The following P2RX5 variants were observed in gnomAD, a reference collection of about 807,000 sequenced individuals.
The protein encoded by P2RX5 is purinergic receptor P2X 5.
In P2RX5, 46 loss-of-function variants were observed where a neutral mutation model predicts 54.1. The observed-to-expected ratio is 0.85, with a 90% CI of 0.67 to 1.09. P2RX5 has a LOEUF of 1.09. Among genes scored for constraint, P2RX5 ranks in the 50% least tolerant of loss-of-function variants. The pLI, the probability that P2RX5 is intolerant of heterozygous loss-of-function variation, is 0.00. For missense variants in P2RX5, 566 were observed against 549.8 expected (o/e 1.03, Z -0.29); for synonymous variants, 226 against 226.4 (o/e 1.00, Z 0.02).
At chr17:3,676,657 C>T in intron 11 of P2RX5, 2 of 945,896 alleles carry the variant, frequency 2.1e-6, no homozygotes, top group East Asian at 1.2e-4. Context: ...TGTCACTGTG[C>T]ACACAGATCA....
At chr17:3,684,738 G>A (rs1030473665) in intron 9 of P2RX5, among the ~76,000 whole-genome samples, 2 of 151,996 alleles carry the variant, frequency 1.3e-5, no homozygotes, top group African/African-American at 4.8e-5. Flanking sequence ...TTAAGGGCAT[G>A]TCCAAGGATG....
In P2RX5 at chr17:3,689,629, T is replaced by C; in HGVS notation, c.616A>G (p.Ser206Gly). The C allele has an allele frequency of 6.2e-7, 1 of 1,614,150 alleles. No individual in the cohort carries two copies. The highest frequency in any genetic ancestry group is 8.5e-7 in the Non-Finnish European group (1 of 1,180,020). The change falls in exon 7 of 12, where the codon AGC becomes GGC. Residue 206 changes from serine (S) to glycine (G), a missense_variant and splice_region_variant. Coordinates refer to ENST00000225328, the MANE Select transcript of P2RX5 (RefSeq NM_002561.4). ...CTGTCCTTGACGTCCATCACATTGCTTCTGGGTGGAGGCCATGGGCAGCCG... is the reference window on the plus strand; with the variant it reads ...CTGTCCTTGACGTCCATCACATTGCCTCTGGGTGGAGGCCATGGGCAGCCG... ...IRFPKFNFSK[S>G]NVMDVKDRSF...
chr17:3,720,411 T>C, the P2RX5 span: 12 of 1,278,538 alleles, frequency 9.4e-6, no homozygotes, highest in African/African-American at 5.8e-5. Context: ...AACTAGAAGA[T>C]GGGGAAAGGA....
At chr17:3,704,953 C>A in the P2RX5 span, among the ~76,000 whole-genome samples, 1 of 152,110 alleles carries the variant, frequency 6.6e-6, no homozygotes, top group South Asian at 2.1e-4. Flanking sequence ...TTGCGGTGAG[C>A]GGAGATCATG....
chr17:3,681,936 T>C lies in P2RX5; in HGVS notation c.1024A>G (p.Lys342Glu). 1.2e-6 allele frequency: 2 copies of C among 1,613,796 alleles called. No homozygotes were observed. The highest frequency in any genetic ancestry group is 1.7e-6 in the Non-Finnish European group (2 of 1,179,788). Reference sequence around the variant, plus strand: ...TTCTTGTCACGGTAAAACTCTCTCTTTTTGATGAGGTAGATGAGTACCAGG... The same window carrying C: ...TTCTTGTCACGGTAAAACTCTCTCTCTTTGATGAGGTAGATGAGTACCAGG... The part of the protein sequence containing the change: ...CDLVLIYLIK[K>E]REFYRDKKYE... Residue 342 changes from lysine (K) to glutamate (E), a missense_variant, in exon 10 of 12, where the codon AAG becomes GAG. Coordinates refer to ENST00000225328, the MANE Select transcript of P2RX5 (RefSeq NM_002561.4).
the P2RX5 span, chr17:3,723,569 G>GC: frequency 7.8e-6 from 9 of 1,152,548 alleles, no homozygotes. Context: ...GCTAGGGAGG[G>GC]CCTGGCAGCC....
intron 5 of P2RX5, 108 bp from the exon 6 acceptor site, chr17:3,690,258 C>T: frequency 8.1e-7 from 1 of 1,235,442 alleles, no homozygotes. Context: ...GAGCCTCTGC[C>T]CAGGACAGTT....
chr17:3,719,837 C>T, the P2RX5 span, among the ~76,000 whole-genome samples: 5 of 152,066 alleles, frequency 3.3e-5, no homozygotes, highest in South Asian at 2.1e-4. Context: ...AAGCGATTCT[C>T]GTGCCTCAGC....
intron 11 of P2RX5, chr17:3,675,810 C>G (rs1054014589): frequency 2.1e-6 from 2 of 966,926 alleles, no homozygotes; most frequent in African/African-American, 3.5e-5. Flanking sequence ...CTCGGCCTCC[C>G]AAAGTGCTGG....
chr17:3,702,912 C>T, the P2RX5 span, among the ~76,000 whole-genome samples: 1 of 152,224 alleles, frequency 6.6e-6, no homozygotes, highest in Non-Finnish European at 1.5e-5. Flanking sequence ...TCTGGACCCA[C>T]TCTGGGACAT....
chr17:3,720,314 C>T, the P2RX5 span: 1 of 1,543,618 alleles, frequency 6.5e-7, no homozygotes, highest in Non-Finnish European at 9.0e-7. Flanking sequence ...TACCTTAGTT[C>T]TGTGGTTCTC....
At chr17:3,692,003 C>T (rs758615208) in intron 1 of P2RX5, 2 of 594,788 alleles carry the variant, frequency 3.4e-6, no homozygotes, top group African/African-American at 1.9e-5. Context: ...AGGCGACAAG[C>T]AACCCTAGAG....
chr17:3,723,797 T>C, the P2RX5 span: 1 of 1,593,670 alleles, frequency 6.3e-7, no homozygotes, highest in African/African-American at 1.3e-5. Context: ...CCGCCAGTTT[T>C]CCGTCCCGTC....
chr17:3,707,590 C>T, the P2RX5 span, among the ~76,000 whole-genome samples: 12 of 152,120 alleles, frequency 7.9e-5, no homozygotes, highest in Admixed American at 7.2e-4. Flanking sequence ...AAGATCACGC[C>T]GAGAAACCAA....
intron 1 of P2RX5, among the ~76,000 whole-genome samples, chr17:3,692,505 C>T (rs571197033): frequency 1.3e-5 from 2 of 152,008 alleles, no homozygotes; most frequent in East Asian, 1.9e-4. Flanking sequence ...AAACCAATCA[C>T]GAGGAGACCT....
intron 1 of P2RX5, among the ~76,000 whole-genome samples, chr17:3,693,889 C>G (rs995774993): frequency 2.0e-5 from 3 of 150,934 alleles, no homozygotes; most frequent in Non-Finnish European, 4.4e-5. Flanking sequence ...TGCACTGGTG[C>G]GAGTAGCTGA....
chr17:3,675,840 T>G (rs143298172), intron 11 of P2RX5: 21,057 of 984,900 alleles, frequency 0.021, 256 homozygotes, highest in Non-Finnish European at 0.023. Flanking sequence ...TGTGAGCCAC[T>G]GCGCCCAGCC....
At position 3,679,443 on chromosome 17, in the gene P2RX5, T is replaced by A. The variant is rs1250620422; in HGVS notation, c.1259+147A>T. The A allele has an allele frequency of 4.2e-6, 3 of 714,236 alleles. No homozygotes were observed. In the African/African-American group the frequency reaches 5.3e-5, roughly 13 times the overall value. 44.2% of individuals were successfully genotyped at this position (714,236 alleles called of 1,614,324 possible). On this transcript the variant is annotated intron_variant, in intron 11 of 11. Transcript: ENST00000225328. ...AGCACCAGCCCCTTCCCACAGAGGC[T>A]CTCCCAGTTCCTAGATGTCCTGCCT...
chr17:3,715,651 G>A, the P2RX5 span, among the ~76,000 whole-genome samples: 1 of 152,148 alleles, frequency 6.6e-6, no homozygotes, highest in Non-Finnish European at 1.5e-5. Flanking sequence ...CCCGGAGTTT[G>A]AGACCAGCCT....
Sources: allele counts gnomAD v4.1 joint callset (sites outside exome capture counted in the v4.1 genomes callset), GRCh38; gene constraint gnomAD v4.1.1; transcripts MANE v1.5; gene names NCBI Gene and HGNC (gene_info 2026-07-23, HGNC 2026-07-21).